PAN3: variants seen among roughly 807,000 people sequenced by gnomAD.
PAN3 encodes PAN2-PAN3 deadenylation complex subunit PAN3.
In PAN3, 19 loss-of-function variants were observed where a neutral mutation model predicts 96.2. The observed-to-expected ratio is 0.20, with a 90% CI of 0.14 to 0.29. The LOEUF is 0.29. Among genes scored for constraint, PAN3 ranks in the 10% least tolerant of loss-of-function variants. The pLI is 1.00. For synonymous variants in PAN3, 433 were observed against 406.6 expected (o/e 1.06, Z -0.78); for missense variants, 882 against 1,108.1 (o/e 0.80, Z 2.90).
chr13:28,141,427 T>A (rs1869795953), intron 1 of PAN3, among the ~76,000 whole-genome samples: 1 of 151,760 alleles, frequency 6.6e-6, no homozygotes, highest in Non-Finnish European at 1.5e-5. Flanking sequence ...CAGACAGCTC[T>A]GACGATCATT....
At chr13:28,255,090 A>G (rs1406730074) in intron 6 of PAN3, among the ~76,000 whole-genome samples, 1 of 152,224 alleles carries the variant, frequency 6.6e-6, no homozygotes, top group African/African-American at 2.4e-5. Context: ...ATTATTAGAA[A>G]TTGAAACTCA....
chr13:28,263,752 T>C (rs181196281), intron 9 of PAN3, among the ~76,000 whole-genome samples: 72 of 152,334 alleles, frequency 4.7e-4, no homozygotes, highest in Non-Finnish European at 2.9e-5. Flanking sequence ...CTAAAACTCT[T>C]TCTGTAAAAT....
intron 4 of PAN3, among the ~76,000 whole-genome samples, chr13:28,180,573 A>G (rs1424179088): frequency 6.6e-6 from 1 of 152,212 alleles, no homozygotes; most frequent in Non-Finnish European, 1.5e-5. Context: ...AATTATATGA[A>G]TATTGTAATT....
intron 9 of PAN3, among the ~76,000 whole-genome samples, chr13:28,265,523 T>C (rs1444834119): frequency 1.3e-5 from 2 of 152,240 alleles, no homozygotes; most frequent in Non-Finnish European, 2.9e-5. Flanking sequence ...GCAATCCTTA[T>C]TATCCTCATT....
In PAN3 at chr13:28,233,244, T is replaced by C. The variant is rs192532321; in HGVS notation, c.1000+12866T>C. On this transcript the variant is annotated intron_variant, in intron 6 of 18. Transcript: ENST00000380958. Reference sequence around the variant, plus strand: ...TTGTGATTTGCTTAGGTGCATTTTTTCCTAATATTTGGAAATTATGACACT... The same window carrying C: ...TTGTGATTTGCTTAGGTGCATTTTTCCCTAATATTTGGAAATTATGACACT... 1.0e-2 allele frequency among the ~76,000 whole-genome samples: 1,518 copies of C among 152,016 alleles called. 11 individuals carry two copies. The highest frequency in any genetic ancestry group is 0.015 in the Non-Finnish European group (1,019 of 67,988).
At chr13:28,151,320 C>G (rs1043398951) in intron 1 of PAN3, among the ~76,000 whole-genome samples, 1 of 152,038 alleles carries the variant, frequency 6.6e-6, no homozygotes, top group Non-Finnish European at 1.5e-5. Context: ...TCAAGACCAT[C>G]CTGGCTAACA....
chr13:28,215,153 A>G (rs868092196), intron 5 of PAN3: 1 of 725,674 alleles, frequency 1.4e-6, no homozygotes. Flanking sequence ...GGTTCAAGGG[A>G]TGGAAAGTCA....
rs1050211832 is a variant in PAN3, at chr13:28,261,751, C to G, written c.1411+293C>G. Among the ~76,000 whole-genome samples the G allele has an allele frequency of 2.6e-4, 39 of 150,886 alleles. 1 individual carries two copies. Among genetic ancestry groups the G allele is most frequent in the Non-Finnish European group, 2.7e-4 (18 of 67,874 alleles). ...GGCTGAGGCAGGAGGATCACTTGAGCCTTGAAGGTTAAGACTGCAGTGAGC... is the reference window on the plus strand; with the variant it reads ...GGCTGAGGCAGGAGGATCACTTGAGGCTTGAAGGTTAAGACTGCAGTGAGC... On this transcript the variant is annotated intron_variant, in intron 9 of 18. Coordinates refer to ENST00000380958, the MANE Select transcript of PAN3 (RefSeq NM_175854.8).
At chr13:28,185,616 T>A (rs1038377089) in intron 4 of PAN3, among the ~76,000 whole-genome samples, 3 of 152,106 alleles carry the variant, frequency 2.0e-5, no homozygotes, top group African/African-American at 4.8e-5. Context: ...CCTTTTTTTT[T>A]AAAGGTGTGT....
intron 17 of PAN3, among the ~76,000 whole-genome samples, chr13:28,283,535 TA>T (rs749158506): frequency 1.3e-5 from 2 of 152,174 alleles, no homozygotes; most frequent in African/African-American, 2.4e-5. Flanking sequence ...GAGTTACAAA[TA>T]CAACTATATA....
intron 15 of PAN3, among the ~76,000 whole-genome samples, chr13:28,279,339 C>A (rs1056384984): frequency 3.9e-4 from 59 of 152,154 alleles, no homozygotes; most frequent in African/African-American, 1.4e-3. Context: ...CTTAAAAAGG[C>A]TCATTCAGTT....
chr13:28,182,538 A>G (rs1023951432), intron 4 of PAN3, among the ~76,000 whole-genome samples: 10 of 152,160 alleles, frequency 6.6e-5, no homozygotes, highest in African/African-American at 2.4e-4. Context: ...AATTTTTTTA[A>G]GTTTTAATAA....
At chr13:28,257,758 A>T (rs1370515398) in intron 7 of PAN3, among the ~76,000 whole-genome samples, 1 of 137,916 alleles carries the variant, frequency 7.3e-6, no homozygotes, top group Non-Finnish European at 1.5e-5. Context: ...ATATATAATT[A>T]ATTATATATT....
intron 17 of PAN3, among the ~76,000 whole-genome samples, chr13:28,284,026 TC>T (rs1868644123): frequency 6.6e-6 from 1 of 152,250 alleles, no homozygotes; most frequent in Admixed American, 6.5e-5. Flanking sequence ...GCATACTTAA[TC>T]TTATATATAT....
chr13:28,147,778 G>A (rs953996224), intron 1 of PAN3, among the ~76,000 whole-genome samples: 2 of 152,136 alleles, frequency 1.3e-5, no homozygotes, highest in South Asian at 4.1e-4. Context: ...GTTGGGAATT[G>A]TCTAAGTAAG....
At chr13:28,195,210 C>G (rs1281332106) in intron 4 of PAN3, among the ~76,000 whole-genome samples, 2 of 152,014 alleles carry the variant, frequency 1.3e-5, no homozygotes, top group African/African-American at 2.4e-5. Context: ...CCAGACCAGC[C>G]TGGGTGACAT....
At chr13:28,152,591 A>AT (rs1000859109) in intron 1 of PAN3, among the ~76,000 whole-genome samples, 2 of 152,068 alleles carry the variant, frequency 1.3e-5, no homozygotes, top group Non-Finnish European at 2.9e-5. Context: ...TGAAAAAAAA[A>AT]CCAAAAAACA....
intron 4 of PAN3, 83 bp downstream of exon 4, chr13:28,178,018 T>C: frequency 7.8e-7 from 1 of 1,284,780 alleles, no homozygotes; most frequent in Non-Finnish European, 1.1e-6. Context: ...GTCAATGTTT[T>C]TGTAAGTGGA....
chr13:28,150,183 G>T (rs1471373213), intron 1 of PAN3, among the ~76,000 whole-genome samples: 1 of 152,106 alleles, frequency 6.6e-6, no homozygotes, highest in Admixed American at 6.6e-5. Flanking sequence ...CATAGATGCT[G>T]TGACAATATG....
Sources: allele counts gnomAD v4.1 joint callset (sites outside exome capture counted in the v4.1 genomes callset), GRCh38; gene constraint gnomAD v4.1.1; transcripts MANE v1.5; gene names NCBI Gene and HGNC (gene_info 2026-07-23, HGNC 2026-07-21).